Variants in GRIK2 observed in about 807,000 individuals in gnomAD.
The protein encoded by GRIK2 is glutamate ionotropic receptor kainate type subunit 2, also known as glutamate receptor ionotropic, kainate 2.
Under a neutral mutation model 100.3 loss-of-function variants are expected in GRIK2, and 32 were observed. The ratio of observed to expected loss-of-function variants is 0.32; its 90% CI spans 0.24 to 0.43. The LOEUF is 0.43. Ranked by LOEUF, GRIK2 falls within the 20% of genes least tolerant of loss-of-function variation. The pLI is 1.00. For missense variants in GRIK2, 843 were observed against 1,114.9 expected, an observed-to-expected ratio of 0.76 and a Z score of 3.47; for synonymous variants, 417 against 389.4, an observed-to-expected ratio of 1.07 and a Z score of -0.83.
intron 2 of GRIK2, among the ~76,000 whole-genome samples, chr6:101,604,787 T>C (rs1023667794): frequency 6.6e-6 from 1 of 151,958 alleles, no homozygotes; most frequent in Admixed American, 6.6e-5. Context: ...AGATATGATA[T>C]CTTATTTTCT....
chr6:101,610,121 A>C (rs1779606235), intron 2 of GRIK2, among the ~76,000 whole-genome samples: 1 of 151,552 alleles, frequency 6.6e-6, no homozygotes, highest in Non-Finnish European at 1.5e-5. Context: ...GCACACAAAA[A>C]TATACATTTA....
chr6:101,581,401 G>A (rs964941454), intron 2 of GRIK2, among the ~76,000 whole-genome samples: 5 of 151,932 alleles, frequency 3.3e-5, no homozygotes, highest in African/African-American at 1.2e-4. Flanking sequence ...GAGGAGCAAG[G>A]AATCCAGTCC....
intron 2 of GRIK2, among the ~76,000 whole-genome samples, chr6:101,601,077 CTT>C (rs1468573998): frequency 3.5e-5 from 5 of 143,678 alleles, no homozygotes; most frequent in African/African-American, 1.3e-4. Flanking sequence ...ATAGATGGCT[CTT>C]ATTATTTTGA....
chr6:101,475,745 A>G (rs1772194974), intron 2 of GRIK2, among the ~76,000 whole-genome samples: 1 of 152,018 alleles, frequency 6.6e-6, no homozygotes, highest in Non-Finnish European at 1.5e-5. Flanking sequence ...TCTTAATGAC[A>G]TAAAGTTTAT....
chr6:101,638,193 T>G (rs570164410), intron 4 of GRIK2, among the ~76,000 whole-genome samples: 131 of 148,892 alleles, frequency 8.8e-4, no homozygotes, highest in Non-Finnish European at 1.6e-3. Context: ...TTTGTTTTAT[T>G]ACTTTATTTA....
chr6:101,497,840 C>A (rs1198647824), intron 2 of GRIK2, among the ~76,000 whole-genome samples: 2 of 151,382 alleles, frequency 1.3e-5, no homozygotes, highest in South Asian at 2.1e-4. Flanking sequence ...TAATGTTAAG[C>A]ATTCACTGTT....
At chr6:101,683,534 T>C (rs1771445186) in intron 6 of GRIK2, among the ~76,000 whole-genome samples, 1 of 152,198 alleles carries the variant, frequency 6.6e-6, no homozygotes, top group Admixed American at 6.5e-5. Flanking sequence ...TTTCTTTCTC[T>C]GTAAAACAGC....
chr6:101,556,632 A>G (rs915462182), intron 2 of GRIK2, among the ~76,000 whole-genome samples: 3 of 152,104 alleles, frequency 2.0e-5, no homozygotes, highest in Non-Finnish European at 4.4e-5. Context: ...ACCCTATGCT[A>G]CATTTCTTAT....
intron 7 of GRIK2, among the ~76,000 whole-genome samples, chr6:101,721,014 C>G (rs1774443654): frequency 6.6e-6 from 1 of 151,974 alleles, no homozygotes; most frequent in Admixed American, 6.6e-5. Context: ...TTAAGCATAG[C>G]AACACTGAAT....
intron 2 of GRIK2, among the ~76,000 whole-genome samples, chr6:101,612,809 G>C (rs1172910475): frequency 1.3e-5 from 2 of 151,140 alleles, no homozygotes; most frequent in East Asian, 3.9e-4. Flanking sequence ...GCCCTGTTTG[G>C]AAAGCAATGG....
At chr6:101,489,318 T>G (rs916826068) in intron 2 of GRIK2, among the ~76,000 whole-genome samples, 1 of 146,146 alleles carries the variant, frequency 6.8e-6, no homozygotes, top group Non-Finnish European at 1.5e-5. Flanking sequence ...CACTTGATAT[T>G]CCATGGGAAC....
At chr6:101,499,162 A>AT (rs951458381) in intron 2 of GRIK2, among the ~76,000 whole-genome samples, 14 of 152,090 alleles carry the variant, frequency 9.2e-5, no homozygotes, top group African/African-American at 3.4e-4. Flanking sequence ...AGACAACCTT[A>AT]TTTTTTATTA....
At chr6:101,765,550 C>T (rs1326278785) in intron 7 of GRIK2, among the ~76,000 whole-genome samples, 2 of 152,030 alleles carry the variant, frequency 1.3e-5, no homozygotes, top group Non-Finnish European at 2.9e-5. Flanking sequence ...GCTTTGGAGA[C>T]TGCATTTATT....
chr6:101,962,332 C>T (rs1040449782), intron 14 of GRIK2, among the ~76,000 whole-genome samples: 1 of 16,254 alleles, frequency 6.2e-5, no homozygotes, highest in Non-Finnish European at 1.2e-4. Flanking sequence ...AGTCAGCCAT[C>T]TTGAAAAAAA....
intron 11 of GRIK2, among the ~76,000 whole-genome samples, chr6:101,873,906 G>A (rs1785614327): frequency 6.6e-6 from 1 of 152,134 alleles, no homozygotes; most frequent in Non-Finnish European, 1.5e-5. Context: ...TTGGAGAAGT[G>A]TCTGTTCATA....
At chr6:101,876,287 A>G (rs945085200) in intron 11 of GRIK2, among the ~76,000 whole-genome samples, 1 of 151,922 alleles carries the variant, frequency 6.6e-6, no homozygotes, top group East Asian at 1.9e-4. Flanking sequence ...ATGTTTGCAG[A>G]AGCTTTTCTT....
chr6:101,479,815 T>C (rs1039453056), intron 2 of GRIK2, among the ~76,000 whole-genome samples: 1 of 152,332 alleles, frequency 6.6e-6, no homozygotes, highest in East Asian at 1.9e-4. Flanking sequence ...TAAACATTTG[T>C]CATTTTCAAT....
At chr6:101,613,581 CAT>C (rs1290688676) in intron 2 of GRIK2, among the ~76,000 whole-genome samples, 2 of 151,490 alleles carry the variant, frequency 1.3e-5, no homozygotes, top group African/African-American at 4.8e-5. Flanking sequence ...ACATCACAAA[CAT>C]AAACTTTTTA....
At chr6:102,053,105 CACACACACATACAT>C (rs1199280175) in intron 15 of GRIK2, among the ~76,000 whole-genome samples, 1 of 151,866 alleles carries the variant, frequency 6.6e-6, no homozygotes, top group Non-Finnish European at 1.5e-5. Context: ...CACACACACA[CACACACACATACAT>C]ACACACACAA....
Sources: gnomAD v4.1 joint callset for allele counts (sites outside exome capture counted in the v4.1 genomes callset) on GRCh38, gnomAD v4.1.1 for gene constraint, MANE v1.5 for transcripts, NCBI Gene and HGNC (gene_info 2026-07-23, HGNC 2026-07-21) for gene names.